PCDHA12: variants seen among roughly 807,000 people sequenced by gnomAD.
PCDHA12 encodes the protein protocadherin alpha-12.
Under a neutral mutation model 60.0 loss-of-function variants are expected in PCDHA12, and 44 were observed. That is an observed-to-expected ratio of 0.73 (90% CI 0.58 to 0.94). The LOEUF (loss-of-function observed/expected upper bound fraction) is 0.94. Among genes scored for constraint, PCDHA12 ranks in the 40% least tolerant of loss-of-function variants. PCDHA12 has a pLI of 0.00. For missense variants in PCDHA12, 1,276 were observed against 1,239.7 expected, an observed-to-expected ratio of 1.03 and a Z score of -0.44; for synonymous variants, 569 against 553.0, an observed-to-expected ratio of 1.03 and a Z score of -0.40.
At chr5:140,967,844 G>A in intron 1 of PCDHA12, 1 of 1,614,178 alleles carries the variant, frequency 6.2e-7, no homozygotes, top group Non-Finnish European at 8.5e-7. Flanking sequence ...GGACGTGAAT[G>A]ACAATGCCCC....
intron 1 of PCDHA12, among the ~76,000 whole-genome samples, chr5:140,955,276 T>A (rs1485560412): frequency 6.6e-6 from 1 of 152,120 alleles, no homozygotes; most frequent in Non-Finnish European, 1.5e-5. Flanking sequence ...TTTGGTTCCA[T>A]ATTGATATGG....
At chr5:140,921,750 C>T (rs2080373281) in intron 1 of PCDHA12, among the ~76,000 whole-genome samples, 2 of 152,056 alleles carry the variant, frequency 1.3e-5, no homozygotes, top group African/African-American at 4.8e-5. Context: ...CATAACAGGA[C>T]ACTTCTTGGC....
chr5:140,936,037 C>A (rs2090734622), intron 1 of PCDHA12, among the ~76,000 whole-genome samples: 2 of 151,862 alleles, frequency 1.3e-5, no homozygotes, highest in Non-Finnish European at 1.5e-5. Flanking sequence ...GGATTACAGG[C>A]ACCCACCACC....
intron 1 of PCDHA12, chr5:140,927,490 C>T: frequency 3.1e-6 from 5 of 1,614,132 alleles, no homozygotes; most frequent in Non-Finnish European, 4.2e-6. Context: ...CGCCACCCAC[C>T]TGCTGGTGCT....
At chr5:140,891,410 A>G (rs1381375342) in intron 1 of PCDHA12, among the ~76,000 whole-genome samples, 1 of 130,438 alleles carries the variant, frequency 7.7e-6, no homozygotes, top group East Asian at 2.5e-4. Context: ...GCCACCCCCC[A>G]CTCTTGCCCC....
rs1391320223 is a variant in PCDHA12, at chr5:140,927,345, C to T, written c.2367+49506C>T. The T allele has an allele frequency of 1.2e-6, 2 of 1,614,012 alleles. 1 individual carries two copies. On this transcript the variant is annotated intron_variant, in intron 1 of 3. Transcript: ENST00000398631. The stretch of plus-strand genomic sequence containing the variant: ...TTACTCTCCCGAATGCCCAAGATGA[C>T]GACGAGGGAAGCAATGGGATACTAA...
chr5:140,883,150 C>T, intron 1 of PCDHA12: 1 of 1,613,910 alleles, frequency 6.2e-7, no homozygotes, highest in Non-Finnish European at 8.5e-7. Flanking sequence ...ATGCATTTAC[C>T]ATAAATCCGA....
intron 3 of PCDHA12, among the ~76,000 whole-genome samples, chr5:140,987,622 TAGATG>T (rs1554249376): frequency 2.6e-5 from 4 of 152,328 alleles, no homozygotes; most frequent in African/African-American, 9.6e-5. Flanking sequence ...TTGGAAGAAT[TAGATG>T]AGATAATGCA....
At chr5:140,893,381 A>G (rs755671273) in intron 1 of PCDHA12, among the ~76,000 whole-genome samples, 11 of 152,190 alleles carry the variant, frequency 7.2e-5, no homozygotes, top group Non-Finnish European at 1.6e-4. Context: ...TTTATGGGAC[A>G]GTGGCTCATG....
intron 1 of PCDHA12, among the ~76,000 whole-genome samples, chr5:140,910,560 G>A (rs1369178001): frequency 6.6e-6 from 1 of 152,160 alleles, no homozygotes; most frequent in East Asian, 1.9e-4. Flanking sequence ...ATTAGTCAAG[G>A]ATATATTTTC....
At chr5:140,936,959 A>C (rs2091230080) in intron 1 of PCDHA12, among the ~76,000 whole-genome samples, 1 of 152,174 alleles carries the variant, frequency 6.6e-6, no homozygotes, top group Non-Finnish European at 1.5e-5. Flanking sequence ...TCTTTATTGA[A>C]TCTATAAAAA....
At chr5:140,880,496 A>G (rs965874952) in intron 1 of PCDHA12, among the ~76,000 whole-genome samples, 4 of 152,206 alleles carry the variant, frequency 2.6e-5, no homozygotes, top group African/African-American at 4.8e-5. Flanking sequence ...AGAGCAATTG[A>G]ATTTCTGTTT....
At chr5:140,949,167 T>C (rs2094348737) in intron 1 of PCDHA12, among the ~76,000 whole-genome samples, 1 of 151,798 alleles carries the variant, frequency 6.6e-6, no homozygotes, top group Admixed American at 6.6e-5. Flanking sequence ...AATTCTCTTT[T>C]GGTCAGAGAA....
intron 1 of PCDHA12, among the ~76,000 whole-genome samples, chr5:140,947,763 A>C (rs1392881813): frequency 1.3e-5 from 2 of 151,658 alleles, no homozygotes; most frequent in Non-Finnish European, 3.0e-5. Context: ...TGGTTTAAAA[A>C]ATTCTATTGT....
chr5:140,946,508 G>A (rs1352307719), intron 1 of PCDHA12, among the ~76,000 whole-genome samples: 3 of 151,202 alleles, frequency 2.0e-5, no homozygotes, highest in Non-Finnish European at 3.0e-5. Flanking sequence ...GTATGTCAAA[G>A]ACCTATCCGC....
chr5:140,960,428 A>T (rs1317168418), intron 1 of PCDHA12, among the ~76,000 whole-genome samples: 3 of 152,178 alleles, frequency 2.0e-5, no homozygotes, highest in Non-Finnish European at 4.4e-5. Context: ...CAATTACTTG[A>T]TACTCTAGAT....
chr5:140,891,893 CAAG>C (rs2063302978), intron 1 of PCDHA12, among the ~76,000 whole-genome samples: 1 of 152,210 alleles, frequency 6.6e-6, no homozygotes, highest in Non-Finnish European at 1.5e-5. Flanking sequence ...GACGATGCAG[CAAG>C]AAGATCTTCA....
At chr5:140,895,829 C>T (rs2065183021) in intron 1 of PCDHA12, among the ~76,000 whole-genome samples, 1 of 151,878 alleles carries the variant, frequency 6.6e-6, no homozygotes, top group African/African-American at 2.4e-5. Context: ...GTATTTTTTT[C>T]AGACAAAGTC....
At chr5:140,962,414 C>T (rs2095681226) in intron 1 of PCDHA12, among the ~76,000 whole-genome samples, 1 of 152,166 alleles carries the variant, frequency 6.6e-6, no homozygotes, top group African/African-American at 2.4e-5. Context: ...CCTGTCTCTC[C>T]CTTTTTATTG....
Sources: allele counts gnomAD v4.1 joint callset (sites outside exome capture counted in the v4.1 genomes callset), GRCh38; gene constraint gnomAD v4.1.1; transcripts MANE v1.5; gene names NCBI Gene and HGNC (gene_info 2026-07-23, HGNC 2026-07-21).